The following ZDHHC22 variants were observed in gnomAD, a reference collection of about 807,000 sequenced individuals.
ZDHHC22 encodes the protein zDHHC palmitoyltransferase 22, also known as palmitoyltransferase ZDHHC22.
Under a neutral mutation model 17.0 loss-of-function variants are expected in ZDHHC22, and 13 were observed. The ratio of observed to expected loss-of-function variants is 0.76; its 90% CI spans 0.50 to 1.21. The LOEUF is 1.21. ZDHHC22 is among the 50% of genes most tolerant of loss of function. ZDHHC22 has a pLI of 0.00. For missense variants in ZDHHC22, 319 were observed against 342.3 expected (o/e 0.93, Z 0.54); for synonymous variants, 138 against 154.7 (o/e 0.89, Z 0.80).
In ZDHHC22 at chr14:77,139,600, CG is replaced by C; in HGVS notation, c.138del (p.Ala47ProfsTer59). The C allele has an allele frequency of 6.3e-7, 1 of 1,590,312 alleles. No individual in the cohort carries two copies. The highest frequency in any genetic ancestry group is 8.6e-7 in the Non-Finnish European group (1 of 1,168,102). Reference protein sequence around the residue: ...EDPAAARLFSPALLHGALFLF... With the variant: ...EDPAAARLFSXALLHGALFLF... Reference sequence around the variant, plus strand: ...AGGAAGAGCGCCCCGTGGAGCAGGGCGGGCGAGAAGAGCCGGGCGGCCGCGG... The same window carrying C: ...AGGAAGAGCGCCCCGTGGAGCAGGGCGGCGAGAAGAGCCGGGCGGCCGCGG... On this transcript the variant is annotated frameshift_variant, in exon 2 of 3. Coordinates refer to ENST00000319374, the MANE Select transcript of ZDHHC22 (RefSeq NM_174976.2). LOFTEE classifies it high-confidence loss of function.
chr14:77,139,569 A>C lies in ZDHHC22; in HGVS notation c.170T>G (p.Leu57Arg). Residue 57 changes from leucine (L) to arginine (R), a missense_variant, in exon 2 of 3, where the codon CTC becomes CGC. By Grantham distance (102) the Leu-to-Arg change is moderately radical (BLOSUM62 -2). Transcript: ENST00000319374. ...GTAATTGCCCAGGGCGTTGGCCGAGAGGAATAGGAAGAGCGCCCCGTGGAG... is the reference window on the plus strand; with the variant it reads ...GTAATTGCCCAGGGCGTTGGCCGAGCGGAATAGGAAGAGCGCCCCGTGGAG... ...ALLHGALFLFLSANALGNYVL... is the reference protein window; with the variant it reads ...ALLHGALFLFRSANALGNYVL... The C allele has an allele frequency of 6.3e-7, 1 of 1,599,496 alleles. No individual in the cohort carries two copies.
rs1887213768 is a variant in ZDHHC22 at position 77,139,742 on chromosome 14, C to T, written c.-4G>A. ...TGAGCAGCCGCAGGGCCAGCATCCT[C>T]GATTACATTCCTGCGGGGCCCGGGG... On this transcript the variant is annotated 5_prime_UTR_variant, in exon 2 of 3. Coordinates refer to ENST00000319374, the MANE Select transcript of ZDHHC22 (RefSeq NM_174976.2). The T allele has an allele frequency of 1.3e-6, 2 of 1,488,470 alleles. No individual in the cohort carries two copies. Among genetic ancestry groups the T allele is most frequent in the Non-Finnish European group, 1.8e-6 (2 of 1,119,558 alleles). 92.2% of individuals were successfully genotyped at this position (1,488,470 alleles called of 1,614,324 possible).
In ZDHHC22 at chr14:77,133,781, T is replaced by C; in HGVS notation, c.694A>G (p.Lys232Glu). Residue 232 changes from lysine to glutamate, a missense_variant, in exon 3 of 3, where the codon AAG becomes GAG. Coordinates refer to ENST00000319374, the MANE Select transcript of ZDHHC22 (RefSeq NM_174976.2). ...GVAVRARPWR[K>E]NLQEVFGKRW... The stretch of plus-strand genomic sequence containing the variant: ...TTTCCGAAGACCTCTTGTAAGTTCT[T>C]GCGCCAGGGCCGGGCCCTCACTGCC... The C allele has an allele frequency of 6.2e-7, 1 of 1,613,988 alleles. No homozygotes were observed. The highest frequency in any genetic ancestry group is 8.5e-7 in the Non-Finnish European group (1 of 1,179,894).
In ZDHHC22 at chr14:77,139,555, G is replaced by A. The variant is rs762409920; in HGVS notation, c.184C>T (p.Leu62=). ...ALFLFLSANA[L]GNYVLVIQNS... is the part of the protein sequence containing the mutation. ...TGGATGACAAGGACGTAATTGCCCA[G>A]GGCGTTGGCCGAGAGGAATAGGAAG... The change falls in exon 2 of 3, where the codon CTG becomes TTG. Residue 62 remains leucine (L), a synonymous_variant. Transcript: ENST00000319374. 1.8e-5 allele frequency: 29 copies of A among 1,605,296 alleles called. No individual in the cohort carries two copies. Among genetic ancestry groups the A allele is most frequent in the Admixed American group, 3.4e-5 (2 of 58,588 alleles).
chr14:77,135,198 G>C lies in ZDHHC22; in HGVS notation c.527-1250C>G, dbSNP rs2140050510. Reference sequence around the variant, plus strand: ...CCTATCACCTCCTCTGGTGGGGGGGGGGCACCTCCTCTAAGGACTCCACCT... The same window carrying C: ...CCTATCACCTCCTCTGGTGGGGGGGCGGCACCTCCTCTAAGGACTCCACCT... On this transcript the variant is annotated intron_variant, in intron 2 of 2. Transcript: ENST00000319374. 1.3e-5 allele frequency among the ~76,000 whole-genome samples: 2 copies of C among 151,748 alleles called. 1 individual carries two copies. The highest frequency in any genetic ancestry group is 2.9e-5 in the Non-Finnish European group (2 of 67,918).
chr14:77,139,568 G>T lies in ZDHHC22; in HGVS notation c.171C>A (p.Leu57=). Reference sequence around the variant, plus strand: ...CGTAATTGCCCAGGGCGTTGGCCGAGAGGAATAGGAAGAGCGCCCCGTGGA... The same window carrying T: ...CGTAATTGCCCAGGGCGTTGGCCGATAGGAATAGGAAGAGCGCCCCGTGGA... ...ALLHGALFLF[L]SANALGNYVL... The change falls in exon 2 of 3, where the codon CTC becomes CTA. Residue 57 remains leucine, a synonymous_variant. Coordinates refer to ENST00000319374, the MANE Select transcript of ZDHHC22 (RefSeq NM_174976.2). 6.2e-7 allele frequency: 1 copy of T among 1,600,844 alleles called. No individual in the cohort carries two copies. Among genetic ancestry groups the T allele is most frequent in the East Asian group, 2.3e-5 (1 of 44,360 alleles).
chr14:77,139,878 C>A (rs1423062210), intron 1 of ZDHHC22, 126 bp from the exon 2 acceptor site: 6 of 1,018,276 alleles, frequency 5.9e-6, no homozygotes, highest in Non-Finnish European at 8.2e-6. Context: ...CCCTGTCCCG[C>A]GGATTTCCCC....
rs574598318 is a variant in ZDHHC22 at position 77,132,276 on chromosome 14, C to T, written c.*1407G>A. The T allele has an allele frequency of 6.6e-6, 1 of 152,582 alleles. No individual in the cohort carries two copies. The highest frequency in any genetic ancestry group is 2.1e-4 in the South Asian group (1 of 4,830). 9.5% of individuals were successfully genotyped at this position (152,582 alleles called of 1,614,324 possible). On this transcript the variant is annotated 3_prime_UTR_variant, in exon 3 of 3. Transcript: ENST00000319374. ...TCTCCACTCCTCAGCCTTAGCTCAC[C>T]ACTGCCCCCCATGCCCTGCCACTGA...
Position 77,132,687 on chromosome 14 carries a change from TG to T in ZDHHC22, c.*995del, listed in dbSNP as rs1887050635. On this transcript the variant is annotated 3_prime_UTR_variant, in exon 3 of 3. Transcript: ENST00000319374. ...TCAAACATTGAAGAGTTTCAGCTGC[TG>T]GAATGCCCTTTGTATAGGGCATAAA... 1 of 152,174 alleles carries T rather than the reference TG, an allele frequency of 6.6e-6. No individual in the cohort carries two copies. The highest frequency in any genetic ancestry group is 2.1e-4 in the South Asian group (1 of 4,824). The allele number at this position is 152,174 out of a possible 1,614,324, so 9.4% of individuals were successfully genotyped here.
At chr14:77,137,785 G>C (rs1039496893) in intron 2 of ZDHHC22, among the ~76,000 whole-genome samples, 2 of 152,234 alleles carry the variant, frequency 1.3e-5, no homozygotes, top group Non-Finnish European at 2.9e-5. Context: ...GCTTCCCCCA[G>C]AGTAGAGCAG....
chr14:77,136,368 A>G (rs1049469901), intron 2 of ZDHHC22, among the ~76,000 whole-genome samples: 4 of 152,222 alleles, frequency 2.6e-5, no homozygotes, highest in African/African-American at 9.6e-5. Context: ...GAAATGTGAC[A>G]TGCATAGTGG....
At chr14:77,134,047 T>C in intron 2 of ZDHHC22, 99 bp from the exon 3 acceptor site, 2 of 1,343,538 alleles carry the variant, frequency 1.5e-6, no homozygotes, top group East Asian at 2.5e-5. Flanking sequence ...GGGAGGGAGA[T>C]TAATGAGATT....
Position 77,139,381 on chromosome 14 carries a change from T to C in ZDHHC22, c.358A>G (p.Ser120Gly). The C allele has an allele frequency of 6.2e-7, 1 of 1,606,028 alleles. No homozygotes were observed. Among genetic ancestry groups the C allele is most frequent in the Non-Finnish European group, 8.5e-7 (1 of 1,176,568 alleles). The change falls in exon 2 of 3, where the codon AGC becomes GGC. Residue 120 changes from serine (S) to glycine (G), a missense_variant. Ser to Gly is a moderately conservative substitution (Grantham distance 56). Coordinates refer to ENST00000319374, the MANE Select transcript of ZDHHC22 (RefSeq NM_174976.2). The part of the protein sequence containing the change: ...HCFFTGNCIG[S>G]RNMRNFVLFC... Reference sequence around the variant, plus strand: ...AGGACGAAGTTGCGCATGTTCCTGCTGCCGATGCAGTTGCCGGTGAAGAAA... The same window carrying C: ...AGGACGAAGTTGCGCATGTTCCTGCCGCCGATGCAGTTGCCGGTGAAGAAA...
chr14:77,136,606 G>A (rs535678502), intron 2 of ZDHHC22, among the ~76,000 whole-genome samples: 38 of 152,262 alleles, frequency 2.5e-4, no homozygotes, highest in African/African-American at 8.7e-4. Flanking sequence ...CTAGCTAGCC[G>A]CCTCCCTCTC....
rs1887081002 is a variant in ZDHHC22, at chr14:77,133,828, C to T, written c.647G>A (p.Arg216His). 6.2e-7 allele frequency: 1 copy of T among 1,613,738 alleles called. No homozygotes were observed. The highest frequency in any genetic ancestry group is 8.5e-7 in the Non-Finnish European group (1 of 1,179,822). The change falls in exon 3 of 3, where the codon CGC becomes CAC. Residue 216 changes from arginine (R) to histidine (H), a missense_variant. Physicochemically the swap from Arg to His is conservative, Grantham distance 29. Transcript: ENST00000319374. ...TGCCACCCCCTTCCGCACCTGGTGGCGGGTCTGCCCGCGGAGGATCAACAG... is the reference window on the plus strand; with the variant it reads ...TGCCACCCCCTTCCGCACCTGGTGGTGGGTCTGCCCGCGGAGGATCAACAG... ...QLLLILRGQT[R>H]HQVRKGVAVR...
In ZDHHC22 at chr14:77,139,170, G is replaced by A. The variant is rs997076066; in HGVS notation, c.526+43C>T. ...GGGCCCGGCAACCTTTGGGGTGGGA[G>A]GTCTTTGTGTAGAGCCCAACCTGCC... On this transcript the variant is annotated intron_variant, in intron 2 of 2. Transcript: ENST00000319374. 2.6e-6 allele frequency: 4 copies of A among 1,524,876 alleles called. No homozygotes were observed. The African/African-American group carries it at 5.5e-5, about 21-fold the overall frequency. The allele number at this position is 1,524,876 out of a possible 1,614,324, so 94.5% of individuals were successfully genotyped here. A position where few individuals can be genotyped will look rare whatever the true frequency, so the allele number is the denominator to read the frequency against.
Position 77,139,494 on chromosome 14 carries a change from G to A in ZDHHC22, c.245C>T (p.Ala82Val), listed in dbSNP as rs1404707707. 2.5e-6 allele frequency: 4 copies of A among 1,612,692 alleles called. No individual in the cohort carries two copies. The Admixed American group carries it at 5.0e-5, about 20-fold the overall frequency. ...SPDDLGACQGASARKTPCPSP... is the reference protein window; with the variant it reads ...SPDDLGACQGVSARKTPCPSP... ...GGGGCATGGAGTCTTCCTGGCCGAG[G>A]CCCCCTGGCAGGCCCCCAGGTCGTC... The change falls in exon 2 of 3, where the codon GCC becomes GTC. Residue 82 changes from alanine (A) to valine (V), a missense_variant. Coordinates refer to ENST00000319374, the MANE Select transcript of ZDHHC22 (RefSeq NM_174976.2).
intron 2 of ZDHHC22, among the ~76,000 whole-genome samples, chr14:77,136,793 G>A (rs918459574): frequency 6.6e-6 from 1 of 152,112 alleles, no homozygotes; most frequent in Admixed American, 6.5e-5. Context: ...TTGAGACAGG[G>A]TCTTGCTCTG....
At chr14:77,135,191 G>GGGT (rs770316992) in intron 2 of ZDHHC22, among the ~76,000 whole-genome samples, 1 of 2,620 alleles carries the variant, frequency 3.8e-4, no homozygotes, top group Non-Finnish European at 0.042. Flanking sequence ...CTCCTCTGGT[G>GGGT]GGGGGGGGGC....
Sources: allele counts gnomAD v4.1 joint callset (sites outside exome capture counted in the v4.1 genomes callset), GRCh38; gene constraint gnomAD v4.1.1; transcripts MANE v1.5; gene names NCBI Gene and HGNC (gene_info 2026-07-23, HGNC 2026-07-21).